Variants in ZNF385B observed in about 807,000 individuals in gnomAD.
The protein encoded by ZNF385B is zinc finger protein 533.
A neutral mutation model predicts 39.2 loss-of-function variants in ZNF385B; 23 were observed. The ratio of observed to expected loss-of-function variants is 0.59; its 90% CI spans 0.42 to 0.83. The LOEUF (loss-of-function observed/expected upper bound fraction) is 0.83, where lower values mean the gene tolerates loss of function less well. ZNF385B is among the 40% of genes least tolerant of loss of function. ZNF385B has a pLI of 0.00. For missense variants in ZNF385B, 552 were observed against 598.9 expected (o/e 0.92, Z 0.82); for synonymous variants, 205 against 222.6 (o/e 0.92, Z 0.70).
At chr2:179,501,347 A>G (rs1206040827) in intron 5 of ZNF385B, among the ~76,000 whole-genome samples, 1 of 152,190 alleles carries the variant, frequency 6.6e-6, no homozygotes, top group Non-Finnish European at 1.5e-5. Flanking sequence ...GTAAGAGTCC[A>G]TCAACTGATG....
At chr2:179,824,629 A>G (rs987067913) in intron 1 of ZNF385B, among the ~76,000 whole-genome samples, 9 of 152,146 alleles carry the variant, frequency 5.9e-5, no homozygotes, top group Non-Finnish European at 8.8e-5. Flanking sequence ...TTAAATACTC[A>G]TTGTGAACAT....
chr2:179,813,531 A>G (rs165374), intron 1 of ZNF385B, among the ~76,000 whole-genome samples: 68,741 of 151,962 alleles, frequency 0.45, 16,088 homozygotes, highest in Admixed American at 0.54. Context: ...AAACGTCTTC[A>G]GGGAAGGTGG....
chr2:179,475,001 G>A (rs955983258), intron 6 of ZNF385B, among the ~76,000 whole-genome samples: 1 of 152,158 alleles, frequency 6.6e-6, no homozygotes, highest in African/African-American at 2.4e-5. Flanking sequence ...AGAGAATTGA[G>A]TAACTTCTCT....
At chr2:179,676,601 C>CG (rs113143752) in intron 3 of ZNF385B, among the ~76,000 whole-genome samples, 3,168 of 152,040 alleles carry the variant, frequency 0.021, 119 homozygotes, top group African/African-American at 0.071. Context: ...TGGAGAGCAG[C>CG]GGGGGGACAG....
intron 6 of ZNF385B, among the ~76,000 whole-genome samples, chr2:179,460,488 T>C (rs2051210673): frequency 6.6e-6 from 1 of 152,216 alleles, no homozygotes; most frequent in Non-Finnish European, 1.5e-5. Context: ...TCTGCTAAGA[T>C]ATAGGTGTAG....
chr2:179,570,978 C>T (rs1229537916), intron 3 of ZNF385B, among the ~76,000 whole-genome samples: 2 of 152,152 alleles, frequency 1.3e-5, no homozygotes, highest in African/African-American at 4.8e-5. Context: ...AGGGACTCTA[C>T]AGTGAATCTT....
chr2:179,453,305 T>C (rs2050338865), intron 6 of ZNF385B, among the ~76,000 whole-genome samples: 1 of 152,164 alleles, frequency 6.6e-6, no homozygotes, highest in African/African-American at 2.4e-5. Flanking sequence ...AACTGGTATT[T>C]AGTATTACAG....
intron 1 of ZNF385B, among the ~76,000 whole-genome samples, chr2:179,781,058 T>G (rs1167451172): frequency 6.6e-6 from 1 of 152,230 alleles, no homozygotes; most frequent in East Asian, 1.9e-4. Flanking sequence ...CAAAACTAAC[T>G]TATTTATTCT....
At chr2:179,860,844 C>T (rs762784512) in intron 1 of ZNF385B, 3 of 436,768 alleles carry the variant, frequency 6.9e-6, no homozygotes, top group Non-Finnish European at 1.4e-5. Flanking sequence ...GCTCCTGTGG[C>T]TTCCACGACC....
chr2:179,861,451 C>G lies in ZNF385B; in HGVS notation c.-505G>C, dbSNP rs1461438342. On this transcript the variant is annotated 5_prime_UTR_variant, in exon 1 of 10. Coordinates refer to ENST00000410066, the MANE Select transcript of ZNF385B (RefSeq NM_152520.6). ...CTGGGCGCGCCCGGCCCGGCCCGGC[C>G]CCGCCGCACGCCCGCCCCCCTGGCC... 1 of 151,676 alleles carries G rather than the reference C, an allele frequency of 6.6e-6. No homozygotes were observed. Among genetic ancestry groups the G allele is most frequent in the Admixed American group, 6.6e-5 (1 of 15,152 alleles). The allele number at this position is 151,676 out of a possible 1,614,324, so 9.4% of individuals were successfully genotyped here.
intron 3 of ZNF385B, among the ~76,000 whole-genome samples, chr2:179,678,460 C>T (rs1166431733): frequency 6.6e-6 from 1 of 152,088 alleles, no homozygotes; most frequent in Non-Finnish European, 1.5e-5. Context: ...AGTGCCTGTG[C>T]TTCTTTCCTT....
At chr2:179,504,638 C>T (rs555795984) in intron 5 of ZNF385B, among the ~76,000 whole-genome samples, 10 of 151,492 alleles carry the variant, frequency 6.6e-5, no homozygotes, top group Non-Finnish European at 7.4e-5. Context: ...TGATGATGAG[C>T]ATTTTTTCAG....
At chr2:179,757,470 C>G (rs964539773) in intron 3 of ZNF385B, among the ~76,000 whole-genome samples, 1 of 152,162 alleles carries the variant, frequency 6.6e-6, no homozygotes, top group African/African-American at 2.4e-5. Context: ...GCTGGGAGAA[C>G]CACTAGTCTC....
chr2:179,564,019 G>A (rs993938243), intron 3 of ZNF385B, among the ~76,000 whole-genome samples: 21 of 152,098 alleles, frequency 1.4e-4, no homozygotes, highest in Admixed American at 6.6e-4. Context: ...TTATTTGTAC[G>A]TCTCACATAT....
chr2:179,605,075 T>A (rs977907159), intron 3 of ZNF385B, among the ~76,000 whole-genome samples: 1 of 152,130 alleles, frequency 6.6e-6, no homozygotes, highest in Non-Finnish European at 1.5e-5. Flanking sequence ...ATCTCAAGGA[T>A]TTTGGATGCC....
intron 5 of ZNF385B, among the ~76,000 whole-genome samples, chr2:179,500,834 A>G (rs2056688307): frequency 1.3e-5 from 2 of 152,300 alleles, no homozygotes; most frequent in East Asian, 1.9e-4. Context: ...ACATCTGCAA[A>G]CTACCTATCT....
chr2:179,596,818 A>C (rs1303812909), intron 3 of ZNF385B, among the ~76,000 whole-genome samples: 1 of 152,250 alleles, frequency 6.6e-6, no homozygotes, highest in Admixed American at 6.5e-5. Context: ...AGTTTACCCC[A>C]ATTTATCTCT....
chr2:179,486,033 G>T (rs770040699), intron 5 of ZNF385B, among the ~76,000 whole-genome samples: 1 of 152,008 alleles, frequency 6.6e-6, no homozygotes, highest in East Asian at 1.9e-4. Context: ...AAATAATCAC[G>T]TGGGGAGAAA....
intron 3 of ZNF385B, among the ~76,000 whole-genome samples, chr2:179,547,945 G>T (rs1388259013): frequency 2.7e-5 from 4 of 149,058 alleles, no homozygotes; most frequent in Non-Finnish European, 4.4e-5. Flanking sequence ...TTACTTCTTT[G>T]GTTAAATTAA....
Sources: gnomAD v4.1 joint callset for allele counts (sites outside exome capture counted in the v4.1 genomes callset) on GRCh38, gnomAD v4.1.1 for gene constraint, MANE v1.5 for transcripts, NCBI Gene and HGNC (gene_info 2026-07-23, HGNC 2026-07-21) for gene names.